RABGEF1: variants seen among roughly 807,000 people sequenced by gnomAD.
RABGEF1 encodes rab5 GDP/GTP exchange factor.
Under a neutral mutation model 57.3 loss-of-function variants are expected in RABGEF1, and 26 were observed. The ratio of observed to expected loss-of-function variants is 0.45; its 90% CI spans 0.33 to 0.63. The LOEUF (loss-of-function observed/expected upper bound fraction) is 0.63, where lower values mean the gene tolerates loss of function less well. Among genes scored for constraint, RABGEF1 ranks in the 20% least tolerant of loss-of-function variants. RABGEF1 has a pLI of 0.02. For missense variants in RABGEF1, 464 were observed against 607.6 expected (o/e 0.76, Z 2.48); for synonymous variants, 185 against 210.7 (o/e 0.88, Z 1.06).
intron 1 of RABGEF1, among the ~76,000 whole-genome samples, chr7:66,745,052 C>T (rs576669047): frequency 2.3e-3 from 346 of 152,112 alleles, no homozygotes; most frequent in Admixed American, 3.5e-3. Flanking sequence ...ATTAGCCGGG[C>T]ATGGTTGCAG....
intron 1 of RABGEF1, among the ~76,000 whole-genome samples, chr7:66,755,296 AAAAAAAAC>A (rs1043905003): frequency 2.7e-4 from 41 of 152,060 alleles, no homozygotes; most frequent in African/African-American, 3.6e-4. Flanking sequence ...TCTGTCTCAA[AAAAAAAAC>A]AAAAAACAAA....
chr7:66,709,612 C>A (rs964038176), intron 1 of RABGEF1, among the ~76,000 whole-genome samples: 3 of 152,000 alleles, frequency 2.0e-5, no homozygotes, highest in African/African-American at 7.3e-5. Flanking sequence ...CATGGTGAAA[C>A]CCTGTCTCTA....
the RABGEF1 span, among the ~76,000 whole-genome samples, chr7:66,661,798 CCAGA>C: frequency 6.6e-6 from 1 of 152,232 alleles, no homozygotes; most frequent in East Asian, 1.9e-4. Context: ...GATGCTAGGG[CCAGA>C]CAAAGGCACT....
chr7:66,755,419 T>C (rs1451049307), intron 1 of RABGEF1, among the ~76,000 whole-genome samples: 1 of 152,032 alleles, frequency 6.6e-6, no homozygotes, highest in Non-Finnish European at 1.5e-5. Flanking sequence ...ATGGCTACAG[T>C]GAGCTGTGAT....
intron 1 of RABGEF1, among the ~76,000 whole-genome samples, chr7:66,761,951 C>T (rs1372858254): frequency 6.6e-6 from 1 of 151,542 alleles, no homozygotes; most frequent in Non-Finnish European, 1.5e-5. Flanking sequence ...CTTGGGAAGC[C>T]GAGGCAGGAG....
intron 1 of RABGEF1, among the ~76,000 whole-genome samples, chr7:66,748,501 A>G (rs988825789): frequency 1.3e-5 from 2 of 152,202 alleles, no homozygotes; most frequent in Non-Finnish European, 2.9e-5. Flanking sequence ...GGCATGGTTT[A>G]TCGTGGGGGT....
intron 2 of RABGEF1, among the ~76,000 whole-genome samples, chr7:66,724,251 G>T (rs1327917018): frequency 1.3e-5 from 2 of 151,974 alleles, no homozygotes; most frequent in African/African-American, 4.8e-5. Flanking sequence ...TCTACATAAT[G>T]TGTTATTTCC....
intron 4 of RABGEF1, among the ~76,000 whole-genome samples, chr7:66,787,706 AT>A (rs1157941748): frequency 6.6e-6 from 1 of 152,166 alleles, no homozygotes; most frequent in Non-Finnish European, 1.5e-5. Context: ...GTGATTATGG[AT>A]TCAGGAGTAT....
At position 66,805,425 on chromosome 7, in the gene RABGEF1, A is replaced by G. The variant is rs781207597; in HGVS notation, c.1077+29A>G. ...AGTAAGTGAGTTCTTGGTGTTGTGGAGAAGGACTAGGAAGGTGGTGGTTTT... is the reference window on the plus strand; with the variant it reads ...AGTAAGTGAGTTCTTGGTGTTGTGGGGAAGGACTAGGAAGGTGGTGGTTTT... On this transcript the variant is annotated intron_variant, in intron 8 of 8. Coordinates refer to ENST00000284957, the MANE Select transcript of RABGEF1 (RefSeq NM_014504.3). 2.5e-6 allele frequency: 4 copies of G among 1,611,584 alleles called. No homozygotes were observed. In the African/African-American group the frequency reaches 5.3e-5, roughly 22 times the overall value.
At chr7:66,694,538 C>T (rs534225656) in intron 1 of RABGEF1, among the ~76,000 whole-genome samples, 1 of 152,324 alleles carries the variant, frequency 6.6e-6, no homozygotes, top group East Asian at 1.9e-4. Context: ...TAAAGAGGGG[C>T]ACGGTCAGGT....
At chr7:66,781,065 C>T (rs1039666903) in intron 3 of RABGEF1, among the ~76,000 whole-genome samples, 8 of 152,102 alleles carry the variant, frequency 5.3e-5, no homozygotes, top group Admixed American at 1.3e-4. Context: ...AGGTTTACCC[C>T]TGCCATCTTG....
chr7:66,745,183 C>T (rs1212496284), intron 1 of RABGEF1, among the ~76,000 whole-genome samples: 1 of 150,136 alleles, frequency 6.7e-6, no homozygotes, highest in South Asian at 2.1e-4. Flanking sequence ...CAGAGCGAGA[C>T]TCCATCTCAA....
rs1798723285 is a variant in RABGEF1 at position 66,740,782 on chromosome 7, A to G, written c.-28A>G. On this transcript the variant is annotated 5_prime_UTR_variant, in exon 1 of 9. Coordinates refer to ENST00000284957, the MANE Select transcript of RABGEF1 (RefSeq NM_014504.3). ...AGCGGTGGTTTGGACGCCGGCGGAG[A>G]CGCGGGCGAGGTACGGAGCGGACGG... 1.3e-5 allele frequency: 2 copies of G among 152,406 alleles called. No individual in the cohort carries two copies. The highest frequency in any genetic ancestry group is 4.8e-5 in the African/African-American group (2 of 41,356). The allele number at this position is 152,406 out of a possible 1,614,324, so 9.4% of individuals were successfully genotyped here. A position where few individuals can be genotyped will look rare whatever the true frequency, so the allele number is the denominator to read the frequency against.
intron 1 of RABGEF1, among the ~76,000 whole-genome samples, chr7:66,688,972 AATCC>A (rs1207543752): frequency 1.9e-4 from 29 of 152,152 alleles, no homozygotes; most frequent in African/African-American, 6.8e-4. Context: ...GCAGGCCTGT[AATCC>A]CAGCTACTTG....
In RABGEF1 at chr7:66,783,812, C is replaced by T. The variant is rs750722010; in HGVS notation, c.484C>T (p.Leu162=). ...CCAAGAAATCTATAAACAGACCAAG[C>T]TGTTTTTGGAAGGAATGCATTACAA... ...TGQEIYKQTK[L]FLEGMHYKRD... Residue 162 remains leucine (L), a synonymous_variant, in exon 4 of 9, where the codon CTG becomes TTG. Coordinates refer to ENST00000284957, the MANE Select transcript of RABGEF1 (RefSeq NM_014504.3). 1 of 1,613,014 alleles carries T rather than the reference C, an allele frequency of 6.2e-7. No homozygotes were observed. The highest frequency in any genetic ancestry group is 8.5e-7 in the Non-Finnish European group (1 of 1,179,410).
rs1800461002 is a variant in RABGEF1 at position 66,747,192 on chromosome 7, G to C, written c.-18+6400G>C. Among the ~76,000 whole-genome samples the C allele has an allele frequency of 2.0e-5, 3 of 152,148 alleles. No homozygotes were observed. The South Asian group carries it at 6.2e-4, about 31-fold the overall frequency. ...TTATTATGATCAATTAATTAAATGT[G>C]GTTAAAAGTCAGAAGTTAGAATAAG... is the stretch of plus-strand genomic sequence containing the variant. On this transcript the variant is annotated intron_variant, in intron 1 of 8. Coordinates refer to ENST00000284957, the MANE Select transcript of RABGEF1 (RefSeq NM_014504.3).
chr7:66,662,938 G>A, the RABGEF1 span, among the ~76,000 whole-genome samples: 1 of 152,142 alleles, frequency 6.6e-6, no homozygotes, highest in African/African-American at 2.4e-5. Context: ...GCATGTGCAG[G>A]TGTGCGTGTG....
chr7:66,710,571 C>T (rs1794654499), intron 1 of RABGEF1, among the ~76,000 whole-genome samples: 1 of 152,116 alleles, frequency 6.6e-6, no homozygotes, highest in African/African-American at 2.4e-5. Flanking sequence ...TTAATTTTAG[C>T]CATTCTAAGG....
At chr7:66,779,779 T>C (rs35676956) in intron 3 of RABGEF1, among the ~76,000 whole-genome samples, 15,961 of 152,146 alleles carry the variant, frequency 0.1, 1,023 homozygotes, top group South Asian at 0.2. Context: ...TGGATGAGGT[T>C]GTTCTTTTCC....
Sources: allele counts gnomAD v4.1 joint callset (sites outside exome capture counted in the v4.1 genomes callset), GRCh38; gene constraint gnomAD v4.1.1; transcripts MANE v1.5; gene names NCBI Gene and HGNC (gene_info 2026-07-23, HGNC 2026-07-21).